Variants in ZNF469 observed in about 807,000 individuals in gnomAD.
ZNF469 encodes zinc finger protein 469.
Under a neutral mutation model 1.0 loss-of-function variants are expected in ZNF469, and 1 was observed. The ratio of observed to expected loss-of-function variants is 1.00; its 90% CI spans 0.35 to 4.73. The LOEUF is 4.73. ZNF469 is among the 30% of genes most tolerant of loss of function. The probability of loss-of-function intolerance (pLI) is 0.16; values close to 1 mark genes in which losing one functional copy is unlikely to be tolerated. For missense variants in ZNF469, 6,100 were observed against 5,356.3 expected, an observed-to-expected ratio of 1.14 and a Z score of -4.33; for synonymous variants, 2,703 against 2,363.4, an observed-to-expected ratio of 1.14 and a Z score of -4.17.
At chr16:88,167,623 G>A in the ZNF469 span, among the ~76,000 whole-genome samples, 10,475 of 151,966 alleles carry the variant, frequency 0.069, 559 homozygotes, top group East Asian at 0.24. Flanking sequence ...TTTCCAAGGT[G>A]GGGGGCAGGA....
At chr16:88,108,152 G>A in the ZNF469 span, among the ~76,000 whole-genome samples, 9 of 109,398 alleles carry the variant, frequency 8.2e-5, no homozygotes, top group Non-Finnish European at 7.4e-5. Flanking sequence ...TGTGGGGATG[G>A]GGGTCCACGT....
the ZNF469 span, among the ~76,000 whole-genome samples, chr16:88,169,851 G>T: frequency 6.6e-6 from 1 of 152,194 alleles, no homozygotes; most frequent in Non-Finnish European, 1.5e-5. The surrounding 1 kb of genome is among the most constrained non-coding windows in gnomAD (Gnocchi z 6.1). Flanking sequence ...CTCCGCCTCT[G>T]GCACACGTGG....
chr16:88,137,538 T>TACCGCCATGCATGTATA, the ZNF469 span, among the ~76,000 whole-genome samples: 1 of 152,166 alleles, frequency 6.6e-6, no homozygotes, highest in Non-Finnish European at 1.5e-5. Flanking sequence ...ACCACATGTG[T>TACCGCCATGCATGTATA]CAGCTATATG....
chr16:88,397,538 C>T (rs1904719881), intron 1 of ZNF469, among the ~76,000 whole-genome samples: 1 of 151,738 alleles, frequency 6.6e-6, no homozygotes. Flanking sequence ...GTCTTTGCCC[C>T]ACCATGTAAA....
At chr16:88,225,661 G>A in the ZNF469 span, among the ~76,000 whole-genome samples, 5 of 152,146 alleles carry the variant, frequency 3.3e-5, no homozygotes, top group East Asian at 1.9e-4. Context: ...GGACATGAGG[G>A]TGTGGCCTCG....
the ZNF469 span, among the ~76,000 whole-genome samples, chr16:88,185,288 C>T: frequency 1.3e-5 from 2 of 152,156 alleles, no homozygotes; most frequent in East Asian, 1.9e-4. Context: ...TAGCCAGACA[C>T]ACAGGCACAC....
the ZNF469 span, among the ~76,000 whole-genome samples, chr16:88,322,154 C>G: frequency 6.6e-6 from 1 of 152,238 alleles, no homozygotes; most frequent in African/African-American, 2.4e-5. Context: ...CGACCCTCCC[C>G]GCGGCCTCGG....
chr16:88,223,645 C>T, the ZNF469 span, among the ~76,000 whole-genome samples: 1 of 152,300 alleles, frequency 6.6e-6, no homozygotes, highest in African/African-American at 2.4e-5. Context: ...TGAAGCCGTG[C>T]CTGGTGCGTG....
At chr16:88,408,454 C>G (rs1012316770) in intron 1 of ZNF469, among the ~76,000 whole-genome samples, 2 of 152,222 alleles carry the variant, frequency 1.3e-5, no homozygotes, top group African/African-American at 4.8e-5. Flanking sequence ...GCCCAGCCCA[C>G]TTAGTACTTT....
At chr16:88,360,690 G>A in the ZNF469 span, among the ~76,000 whole-genome samples, 9 of 118,866 alleles carry the variant, frequency 7.6e-5, no homozygotes, top group South Asian at 2.9e-4. Flanking sequence ...GACAGCGCCC[G>A]CGTGCTCCCT....
chr16:88,275,377 C>T, the ZNF469 span, among the ~76,000 whole-genome samples: 48 of 152,306 alleles, frequency 3.2e-4, no homozygotes, highest in Admixed American at 2.9e-3. Flanking sequence ...TTGGAAGCTA[C>T]CTGGGTTACT....
chr16:88,192,871 GTGATGA>G, the ZNF469 span, among the ~76,000 whole-genome samples: 1 of 148,414 alleles, frequency 6.7e-6, no homozygotes, highest in East Asian at 2.0e-4. Context: ...GACGGTGGTG[GTGATGA>G]TGATGATGGT....
At chr16:88,141,370 G>A in the ZNF469 span, among the ~76,000 whole-genome samples, 4 of 152,040 alleles carry the variant, frequency 2.6e-5, no homozygotes, top group Non-Finnish European at 4.4e-5. Flanking sequence ...GCCCTGGGAG[G>A]TACCCCCGTC....
the ZNF469 span, among the ~76,000 whole-genome samples, chr16:88,348,031 C>G: frequency 6.6e-6 from 1 of 152,242 alleles, no homozygotes; most frequent in Non-Finnish European, 1.5e-5. Context: ...GCTGTGGAAG[C>G]CTGGTGGGCG....
the ZNF469 span, among the ~76,000 whole-genome samples, chr16:88,189,927 G>T: frequency 6.6e-6 from 1 of 152,134 alleles, no homozygotes; most frequent in Non-Finnish European, 1.5e-5. The surrounding 1 kb of genome is among the most constrained non-coding windows in gnomAD (Gnocchi z 4.3). Context: ...GGAAAGAAAA[G>T]AAAAGAAAAA....
At position 88,424,603 on chromosome 16, in the gene ZNF469, G is replaced by A. The variant is rs150931501; in HGVS notation, c.-191-204G>A. On this transcript the variant is annotated intron_variant, in intron 1 of 2. Coordinates refer to ENST00000565624, the MANE Select transcript of ZNF469 (RefSeq NM_001367624.2). The surrounding 1 kb of genome is among the most constrained non-coding windows in gnomAD (Gnocchi z 4.3). ...AGCCAGGTGACCCCTAAACCCTTCA[G>A]GGTCCCCCGGGCCAGCTGAGCTGCC... Among the ~76,000 whole-genome samples, 1,014 of 152,242 alleles carry A rather than the reference G, an allele frequency of 6.7e-3. 10 individuals carry two copies. Among genetic ancestry groups the A allele is most frequent in the African/African-American group, 0.023 (973 of 41,556 alleles).
intron 1 of ZNF469, among the ~76,000 whole-genome samples, chr16:88,390,411 T>C (rs563859734): frequency 6.6e-5 from 10 of 152,262 alleles, no homozygotes; most frequent in African/African-American, 2.4e-4. Flanking sequence ...CAGGCCAGAC[T>C]GCGTAACCCC....
chr16:88,328,209 C>T, the ZNF469 span, among the ~76,000 whole-genome samples: 5 of 152,224 alleles, frequency 3.3e-5, no homozygotes, highest in East Asian at 1.9e-4. Flanking sequence ...TGGGCCAGGC[C>T]GGACACTTCA....
Position 88,435,352 on chromosome 16 carries a change from G to A in ZNF469, c.7882G>A (p.Glu2628Lys), listed in dbSNP as rs925810747. 1 of 1,550,300 alleles carries A rather than the reference G, an allele frequency of 6.5e-7. No individual in the cohort carries two copies. Among genetic ancestry groups the A allele is most frequent in the African/African-American group, 1.4e-5 (1 of 73,068 alleles). ...CACCGTGGACTCTCCTAGCCACTCA[G>A]AGGGGAAGTCAAATAAGAAAAGGGG... ...EPTVDSPSHS[E>K]GKSNKKRGKL... is the part of the protein sequence containing the mutation. The change falls in exon 3 of 3, where the codon GAG (glutamate) becomes AAG (lysine). Residue 2628 changes from glutamate (E) to lysine (K), a missense_variant. Transcript: ENST00000565624.
Sources: allele counts gnomAD v4.1 joint callset (sites outside exome capture counted in the v4.1 genomes callset), GRCh38; gene constraint gnomAD v4.1.1; non-coding constraint Gnocchi (gnomAD v3.1); transcripts MANE v1.5; gene names NCBI Gene and HGNC (gene_info 2026-07-23, HGNC 2026-07-21).